The following GPRIN1 variants were observed in gnomAD, a reference collection of about 807,000 sequenced individuals.
GPRIN1 encodes the protein G protein regulated inducer of neurite outgrowth 1, also known as G protein-regulated inducer of neurite outgrowth 1.
GPRIN1 carries 4 observed loss-of-function variants against 2.8 expected under a neutral mutation model. The observed-to-expected ratio is 1.45, with a 90% CI of 0.71 to 3.32. The LOEUF is 3.32. GPRIN1 is among the 30% of genes most tolerant of loss of function. The pLI, the probability that GPRIN1 is intolerant of heterozygous loss-of-function variation, is 0.01. For synonymous variants in GPRIN1, 589 were observed against 589.9 expected (o/e 1.00, Z 0.02); for missense variants, 1,322 against 1,343.4 (o/e 0.98, Z 0.25).
chr5:176,602,852 T>C lies in GPRIN1; in HGVS notation c.-43-2975A>G, dbSNP rs1759167847. ...GGGAAAGCACCCAAGATAAATTAAT[T>C]GAAAAAGGCCAGGGGACAGCATCGC... On this transcript the variant is annotated intron_variant, in intron 1 of 1. Transcript: ENST00000303991. The surrounding 1 kb of genome is among the most constrained non-coding windows in gnomAD (Gnocchi z 4.4). 6.6e-6 allele frequency among the ~76,000 whole-genome samples: 1 copy of C among 151,958 alleles called. No individual in the cohort carries two copies. The highest frequency in any genetic ancestry group is 1.5e-5 in the Non-Finnish European group (1 of 67,996).
At chr5:176,607,410 C>T (rs1378979138) in intron 1 of GPRIN1, among the ~76,000 whole-genome samples, 1 of 152,256 alleles carries the variant, frequency 6.6e-6, no homozygotes, top group Non-Finnish European at 1.5e-5. Context: ...GTGGCATGAT[C>T]TCGGCTCACT....
chr5:176,597,239 C>G lies in GPRIN1; in HGVS notation c.2596G>C (p.Ala866Pro). ...DAGLQVSLGAAETRSVATGPM... is the reference protein window; with the variant it reads ...DAGLQVSLGAPETRSVATGPM... ...CCAGTGGCCACGGAGCGCGTCTCGG[C>G]GGCGCCCAGCGACACCTGCAGGCCC... Residue 866 changes from alanine to proline, a missense_variant, in exon 2 of 2, where the codon GCC becomes CCC. Coordinates refer to ENST00000303991, the MANE Select transcript of GPRIN1 (RefSeq NM_052899.3). The surrounding 1 kb of genome is among the most constrained non-coding windows in gnomAD (Gnocchi z 6.1). 8.0e-7 allele frequency: 1 copy of G among 1,254,038 alleles called. No homozygotes were observed. The allele number at this position is 1,254,038 out of a possible 1,614,324, so 77.7% of individuals were successfully genotyped here. A position where few individuals can be genotyped will look rare whatever the true frequency, so the allele number is the denominator to read the frequency against.
intron 1 of GPRIN1, among the ~76,000 whole-genome samples, chr5:176,603,934 T>C (rs1759185284): frequency 6.6e-6 from 1 of 152,210 alleles, no homozygotes; most frequent in Admixed American, 6.5e-5. Flanking sequence ...TGGTGGGGAC[T>C]GTGGCAAACT....
chr5:176,604,503 A>T (rs1759195201), intron 1 of GPRIN1, among the ~76,000 whole-genome samples: 1 of 151,984 alleles, frequency 6.6e-6, no homozygotes, highest in Non-Finnish European at 1.5e-5. Flanking sequence ...CTCCCACCCC[A>T]GCCTCTCAAT....
In GPRIN1 at chr5:176,597,165, C is replaced by T; in HGVS notation, c.2670G>A (p.Arg890=). 2 of 1,393,254 alleles carry T rather than the reference C, an allele frequency of 1.4e-6. No homozygotes were observed. The highest frequency in any genetic ancestry group is 1.9e-6 in the Non-Finnish European group (2 of 1,070,484). 86.3% of individuals were successfully genotyped at this position (1,393,254 alleles called of 1,614,324 possible). Residue 890 remains arginine (R), a synonymous_variant, in exon 2 of 2, where the codon CGG becomes CGA. Coordinates refer to ENST00000303991, the MANE Select transcript of GPRIN1 (RefSeq NM_052899.3). This position sits in a 1 kb window ranked among gnomAD's most constrained non-coding sequence, Gnocchi z 6.1. The stretch of plus-strand genomic sequence containing the variant: ...CCGCCAGCGCTGAGCCGGGCCGCAC[C>T]CGCACTTCGGGGAAGGCGGGCGGCG... The part of the protein sequence containing the change: ...AAAPPAFPEV[R]VRPGSALAAA...
In GPRIN1 at chr5:176,597,083, T is replaced by C; in HGVS notation, c.2752A>G (p.Lys918Glu). The C allele has an allele frequency of 6.7e-7, 1 of 1,500,024 alleles. No individual in the cohort carries two copies. 92.9% of individuals were successfully genotyped at this position (1,500,024 alleles called of 1,614,324 possible). ...EPVRDVSWDE[K>E]GMTWEVYGAA... Reference sequence around the variant, plus strand: ...CCGTATACCTCCCACGTCATGCCCTTCTCGTCCCAGCTCACGTCTCGCACG... The same window carrying C: ...CCGTATACCTCCCACGTCATGCCCTCCTCGTCCCAGCTCACGTCTCGCACG... The change falls in exon 2 of 2, where the codon AAG becomes GAG. Residue 918 changes from lysine (K) to glutamate (E), a missense_variant. Lys to Glu is a moderately conservative substitution (Grantham distance 56). Transcript: ENST00000303991. This position sits in a 1 kb window ranked among gnomAD's most constrained non-coding sequence, Gnocchi z 6.1.
chr5:176,608,991 G>C (rs1054967565), intron 1 of GPRIN1, among the ~76,000 whole-genome samples: 1 of 152,216 alleles, frequency 6.6e-6, no homozygotes, highest in African/African-American at 2.4e-5. Flanking sequence ...TCGGGGGTGT[G>C]GGGGGAGAAG....
In GPRIN1 at chr5:176,595,893, C is replaced by T. The variant is rs1015408059; in HGVS notation, c.*915G>A. On this transcript the variant is annotated 3_prime_UTR_variant, in exon 2 of 2. Transcript: ENST00000303991. ...GTGGGGACGGGACACTGAGTGGTCA[C>T]AAGGGACTTGGGCTCACAGCACAGG... 2.3e-6 allele frequency: 1 copy of T among 434,232 alleles called. No individual in the cohort carries two copies. The highest frequency in any genetic ancestry group is 4.0e-6 in the Non-Finnish European group (1 of 248,638). The allele number at this position is 434,232 out of a possible 1,614,324, so 26.9% of individuals were successfully genotyped here.
At position 176,596,901 on chromosome 5, in the gene GPRIN1, G is replaced by C; in HGVS notation, c.2934C>G (p.Gly978=). 1 of 1,247,446 alleles carries C rather than the reference G, an allele frequency of 8.0e-7. No homozygotes were observed. Among genetic ancestry groups the C allele is most frequent in the Non-Finnish European group, 1.0e-6 (1 of 995,270 alleles). The allele number at this position is 1,247,446 out of a possible 1,614,324, so 77.3% of individuals were successfully genotyped here. ...SGSVRTAPPD[G]AAKRPPGLFR... is the part of the protein sequence containing the mutation. Reference sequence around the variant, plus strand: ...ACAGGCCGGGCGGACGCTTGGCGGCGCCATCTGGGGGCGCGGTGCGCACCG... The same window carrying C: ...ACAGGCCGGGCGGACGCTTGGCGGCCCCATCTGGGGGCGCGGTGCGCACCG... The change falls in exon 2 of 2, where the codon GGC becomes GGG. Residue 978 remains glycine (G), a synonymous_variant. Coordinates refer to ENST00000303991, the MANE Select transcript of GPRIN1 (RefSeq NM_052899.3). This position sits in a 1 kb window ranked among gnomAD's most constrained non-coding sequence, Gnocchi z 5.2.
Position 176,602,727 on chromosome 5 carries a change from G to T in GPRIN1, c.-43-2850C>A, listed in dbSNP as rs912731501. The stretch of plus-strand genomic sequence containing the variant: ...GAAGATGGTCCTGGGGTACACAAGG[G>T]CATGGCTAGTGATGAGAACAAGACG... On this transcript the variant is annotated intron_variant, in intron 1 of 1. Transcript: ENST00000303991. The surrounding 1 kb of genome is among the most constrained non-coding windows in gnomAD (Gnocchi z 4.4). Among the ~76,000 whole-genome samples, 2 of 152,182 alleles carry T rather than the reference G, an allele frequency of 1.3e-5. No individual in the cohort carries two copies. Among genetic ancestry groups the T allele is most frequent in the African/African-American group, 4.8e-5 (2 of 41,420 alleles).
At chr5:176,606,836 G>A (rs147944862) in intron 1 of GPRIN1, among the ~76,000 whole-genome samples, 3,135 of 152,348 alleles carry the variant, frequency 0.021, 36 homozygotes, top group Non-Finnish European at 0.029. Context: ...GGCAGCTGTT[G>A]TAGTCCTGTT....
At chr5:176,600,394 GC>G (rs372611086) in intron 1 of GPRIN1, among the ~76,000 whole-genome samples, 50 of 152,154 alleles carry the variant, frequency 3.3e-4, no homozygotes, top group Non-Finnish European at 6.2e-4. Flanking sequence ...GAGCCACTGC[GC>G]CCCACCCACA....
chr5:176,596,779 G>T lies in GPRIN1; in HGVS notation c.*29C>A. ...TCAAGAAGGGAGCCTGAGAAGGTCG[G>T]AAACTCGGGCGTACAAAATGGGGGC... On this transcript the variant is annotated 3_prime_UTR_variant, in exon 2 of 2. Transcript: ENST00000303991. This position sits in a 1 kb window ranked among gnomAD's most constrained non-coding sequence, Gnocchi z 5.2. 7.1e-7 allele frequency: 1 copy of T among 1,405,982 alleles called. No individual in the cohort carries two copies. 87.1% of individuals were successfully genotyped at this position (1,405,982 alleles called of 1,614,324 possible).
chr5:176,597,442 G>C lies in GPRIN1; in HGVS notation c.2393C>G (p.Pro798Arg). The C allele has an allele frequency of 7.7e-7, 1 of 1,303,214 alleles. No individual in the cohort carries two copies. Among genetic ancestry groups the C allele is most frequent in the East Asian group, 3.1e-5 (1 of 32,046 alleles). 80.7% of individuals were successfully genotyped at this position (1,303,214 alleles called of 1,614,324 possible). A position where few individuals can be genotyped will look rare whatever the true frequency, so the allele number is the denominator to read the frequency against. ...CGGCGGGGCGCTCGCCTCCCACGAC[G>C]GCGCCTTGGTGAAGTTGTCGCGAGT... ...PRTRDNFTKAPSWEASAPPPP... is the reference protein window; with the variant it reads ...PRTRDNFTKARSWEASAPPPP... Residue 798 changes from proline to arginine, a missense_variant, in exon 2 of 2, where the codon CCG becomes CGG. Pro to Arg is a moderately radical substitution (Grantham distance 103). Transcript: ENST00000303991. The surrounding 1 kb of genome is among the most constrained non-coding windows in gnomAD (Gnocchi z 6.1).
chr5:176,603,235 TAC>T (rs755828253), intron 1 of GPRIN1, among the ~76,000 whole-genome samples: 10 of 152,120 alleles, frequency 6.6e-5, no homozygotes, highest in South Asian at 4.2e-4. Context: ...CCAAAACATG[TAC>T]ACACACAGAT....
chr5:176,598,115 T>C lies in GPRIN1; in HGVS notation c.1720A>G (p.Lys574Glu), dbSNP rs1316334073. ...GTTTTTCCTGGAGTTGAGACCACTT[T>C]ACCTATAGACACAGAGTCCCCTTGT... ...SGQGDSVSIG[K>E]VVSTPGKTVP... Residue 574 changes from lysine (K) to glutamate (E), a missense_variant, in exon 2 of 2, where the codon AAA becomes GAA. Coordinates refer to ENST00000303991, the MANE Select transcript of GPRIN1 (RefSeq NM_052899.3). 1 of 1,613,062 alleles carries C rather than the reference T, an allele frequency of 6.2e-7. No individual in the cohort carries two copies. Among genetic ancestry groups the C allele is most frequent in the Non-Finnish European group, 8.5e-7 (1 of 1,180,000 alleles).
At chr5:176,605,266 T>C (rs964875199) in intron 1 of GPRIN1, among the ~76,000 whole-genome samples, 1 of 152,004 alleles carries the variant, frequency 6.6e-6, no homozygotes, top group East Asian at 1.9e-4. Context: ...GCTAATTTTT[T>C]AAATTTTTAC....
At chr5:176,603,452 T>G (rs1248205759) in intron 1 of GPRIN1, among the ~76,000 whole-genome samples, 1 of 152,192 alleles carries the variant, frequency 6.6e-6, no homozygotes, top group African/African-American at 2.4e-5. Flanking sequence ...CTCATGTCAC[T>G]CTGCATCTGG....
rs1401310087 is a variant in GPRIN1, at chr5:176,598,519, T to G, written c.1316A>C (p.Gln439Pro). The change falls in exon 2 of 2, where the codon CAG (glutamine) becomes CCG (proline). Residue 439 changes from glutamine to proline, a missense_variant. Gln to Pro is a moderately conservative substitution (Grantham distance 76). Transcript: ENST00000303991. ...CTTTCCCACAGACACACGCTCTGCC[T>G]GTCCAGGAGACAAGAGCTCTGGCTT... ...SGKPELLSPG[Q>P]AERVSVGKAG... The G allele has an allele frequency of 6.2e-7, 1 of 1,614,202 alleles. No homozygotes were observed.
Sources: gnomAD v4.1 joint callset for allele counts (sites outside exome capture counted in the v4.1 genomes callset) on GRCh38, gnomAD v4.1.1 for gene constraint, Gnocchi (gnomAD v3.1) non-coding constraint, MANE v1.5 for transcripts, NCBI Gene and HGNC (gene_info 2026-07-23, HGNC 2026-07-21) for gene names.